MYLIP: variants seen among roughly 807,000 people sequenced by gnomAD.
MYLIP encodes the protein myosin regulatory light chain interacting protein.
Under a neutral mutation model 45.8 loss-of-function variants are expected in MYLIP, and 26 were observed. The ratio of observed to expected loss-of-function variants is 0.57; its 90% CI spans 0.42 to 0.79. The LOEUF (loss-of-function observed/expected upper bound fraction) is 0.79. Among genes scored for constraint, MYLIP ranks in the 30% least tolerant of loss-of-function variants. The pLI is 0.00. For synonymous variants in MYLIP, 213 were observed against 218.1 expected (o/e 0.98, Z 0.21); for missense variants, 494 against 555.6 (o/e 0.89, Z 1.11).
the MYLIP span, among the ~76,000 whole-genome samples, chr6:16,161,883 A>G: frequency 3.3e-5 from 5 of 152,208 alleles, no homozygotes; most frequent in Admixed American, 6.5e-5. Flanking sequence ...TTTTGTTTTT[A>G]CTAGATGGAA....
Position 16,133,171 on chromosome 6 carries a change from C to T in MYLIP, c.278+2424C>T, listed in dbSNP as rs1020980035. Among the ~76,000 whole-genome samples, 3 of 152,194 alleles carry T rather than the reference C, an allele frequency of 2.0e-5. No individual in the cohort carries two copies. In the South Asian group the frequency reaches 6.2e-4, roughly 32 times the overall value. On this transcript the variant is annotated intron_variant, in intron 2 of 6. Transcript: ENST00000356840. ...CCCTGTATTGTAGTTTCAGCTCTGC[C>T]ACCAACTACCAGCCATCCAGACTGC...
downstream of MYLIP, among the ~76,000 whole-genome samples, chr6:16,149,532 G>C (rs535456184): frequency 3.3e-5 from 5 of 152,222 alleles, no homozygotes; most frequent in African/African-American, 1.2e-4. Context: ...TGGCCCACCC[G>C]CTGCATGTCA....
chr6:16,141,875 T>G, intron 3 of MYLIP, 65 bp downstream of exon 3: 5 of 1,431,076 alleles, frequency 3.5e-6, no homozygotes, highest in Non-Finnish European at 4.7e-6. Flanking sequence ...AAACTAAGGT[T>G]GGAAGGTAAA....
At chr6:16,137,289 A>G (rs1759575405) in intron 2 of MYLIP, among the ~76,000 whole-genome samples, 1 of 152,236 alleles carries the variant, frequency 6.6e-6, no homozygotes, top group Non-Finnish European at 1.5e-5. Context: ...TTTGTTTTAA[A>G]ATAAACTGTG....
At chr6:16,158,793 C>T in the MYLIP span, among the ~76,000 whole-genome samples, 5 of 152,168 alleles carry the variant, frequency 3.3e-5, no homozygotes, top group African/African-American at 1.2e-4. Context: ...TGGCGTGAAC[C>T]CGGGAGGCGG....
chr6:16,141,156 A>T (rs1759663252), intron 2 of MYLIP, among the ~76,000 whole-genome samples: 1 of 152,118 alleles, frequency 6.6e-6, no homozygotes, highest in Non-Finnish European at 1.5e-5. Context: ...CCTATAGGAG[A>T]TTGGACATTT....
In MYLIP at chr6:16,147,664, C is replaced by A. The variant is rs1372387236; in HGVS notation, c.*913C>A. The A allele has an allele frequency of 6.6e-6, 1 of 152,384 alleles. No homozygotes were observed. Among genetic ancestry groups the A allele is most frequent in the Non-Finnish European group, 1.5e-5 (1 of 68,046 alleles). 9.4% of individuals were successfully genotyped at this position (152,384 alleles called of 1,614,324 possible). ...AAGCACTCGATCCCAGCTTCACCCACTGGTGTTGCTTTGCTTGAACTGTTC... is the reference window on the plus strand; with the variant it reads ...AAGCACTCGATCCCAGCTTCACCCAATGGTGTTGCTTTGCTTGAACTGTTC... On this transcript the variant is annotated 3_prime_UTR_variant, in exon 7 of 7. Transcript: ENST00000356840.
intron 3 of MYLIP, among the ~76,000 whole-genome samples, chr6:16,142,373 T>C (rs1759691998): frequency 6.6e-6 from 1 of 152,274 alleles, no homozygotes; most frequent in African/African-American, 2.4e-5. Context: ...ATTATGTATA[T>C]TGGTGTTTTC....
chr6:16,147,820 C>T lies in MYLIP; in HGVS notation c.*1069C>T, dbSNP rs993887530. 3 of 152,480 alleles carry T rather than the reference C, an allele frequency of 2.0e-5. No homozygotes were observed. Among genetic ancestry groups the T allele is most frequent in the East Asian group, 1.9e-4 (1 of 5,178 alleles). The allele number at this position is 152,480 out of a possible 1,614,324, so 9.4% of individuals were successfully genotyped here. Reference sequence around the variant, plus strand: ...TTTGGGTTGTCCCCTCTGTATGTTTCGAAGGGGTTTTGGTTCTTTTTGCTT... The same window carrying T: ...TTTGGGTTGTCCCCTCTGTATGTTTTGAAGGGGTTTTGGTTCTTTTTGCTT... On this transcript the variant is annotated 3_prime_UTR_variant, in exon 7 of 7. Transcript: ENST00000356840.
At chr6:16,140,600 A>G (rs898103077) in intron 2 of MYLIP, among the ~76,000 whole-genome samples, 1 of 152,202 alleles carries the variant, frequency 6.6e-6, no homozygotes, top group Non-Finnish European at 1.5e-5. Flanking sequence ...GCAAGGCGAC[A>G]GAAAGAATGG....
intron 2 of MYLIP, among the ~76,000 whole-genome samples, chr6:16,139,387 CAAAA>C (rs111591442): frequency 1.4e-5 from 1 of 72,906 alleles, no homozygotes; most frequent in Non-Finnish European, 2.9e-5. Flanking sequence ...GACTCCATCT[CAAAA>C]AAAAAAAAAA....
chr6:16,144,326 T>A (rs1383196028), intron 5 of MYLIP, among the ~76,000 whole-genome samples: 4 of 152,172 alleles, frequency 2.6e-5, no homozygotes, highest in African/African-American at 9.7e-5. Flanking sequence ...AGGAGAAGGA[T>A]AGCACAGATC....
At chr6:16,157,306 A>C in the MYLIP span, among the ~76,000 whole-genome samples, 1 of 152,210 alleles carries the variant, frequency 6.6e-6, no homozygotes, top group South Asian at 2.1e-4. Context: ...CTCCATTGTA[A>C]TACCATGGCA....
Position 16,147,003 on chromosome 6 carries a change from T to C in MYLIP, c.*252T>C, listed in dbSNP as rs1020857954. On this transcript the variant is annotated 3_prime_UTR_variant, in exon 7 of 7. Transcript: ENST00000356840. ...AGACACATTCCTTGGATGTTGATTT[T>C]TTTTATGATCTAGTAAAGGAATAGG... 1.4e-5 allele frequency: 5 copies of C among 350,810 alleles called. No homozygotes were observed. The highest frequency in any genetic ancestry group is 2.2e-5 in the Non-Finnish European group (4 of 184,932). 21.7% of individuals were successfully genotyped at this position (350,810 alleles called of 1,614,324 possible). A position where few individuals can be genotyped will look rare whatever the true frequency, so the allele number is the denominator to read the frequency against.
intron 2 of MYLIP, among the ~76,000 whole-genome samples, chr6:16,137,444 A>G (rs1759579200): frequency 6.6e-6 from 1 of 152,220 alleles, no homozygotes. Context: ...TTGGTAATTG[A>G]GAATTTGAAA....
At chr6:16,140,147 C>G (rs534407252) in intron 2 of MYLIP, among the ~76,000 whole-genome samples, 1 of 152,266 alleles carries the variant, frequency 6.6e-6, no homozygotes, top group East Asian at 1.9e-4. Context: ...GCCAAAGTTA[C>G]AATTCATTTG....
At position 16,143,146 on chromosome 6, in the gene MYLIP, G is replaced by A; in HGVS notation, c.591G>A (p.Gly197=). The A allele has an allele frequency of 6.2e-7, 1 of 1,614,190 alleles. No homozygotes were observed. The highest frequency in any genetic ancestry group is 1.6e-4 in the Middle Eastern group (1 of 6,062). Residue 197 remains glycine, a synonymous_variant, in exon 4 of 7, where the codon GGG becomes GGA. Transcript: ENST00000356840. ...GGCATTCTGTGCGGGATAGCGAAGG[G>A]CAGAAACTGCTCATTGGGGTTGGAC... The part of the protein sequence containing the change: ...IEWHSVRDSE[G]QKLLIGVGPE...
Position 16,147,559 on chromosome 6 carries a change from G to A in MYLIP, c.*808G>A, listed in dbSNP as rs1395772146. ...TGAAAACAGAGAGCACTCTCCTTGG[G>A]AAGGGAAAGCGGAGCTTGCTGAGTG... On this transcript the variant is annotated 3_prime_UTR_variant, in exon 7 of 7. Coordinates refer to ENST00000356840, the MANE Select transcript of MYLIP (RefSeq NM_013262.4). The A allele has an allele frequency of 2.0e-5, 3 of 152,238 alleles. 1 individual carries two copies. Among genetic ancestry groups the A allele is most frequent in the Admixed American group, 2.0e-4 (3 of 15,292 alleles). The allele number at this position is 152,238 out of a possible 1,614,324, so 9.4% of individuals were successfully genotyped here.
chr6:16,145,121 T>A lies in MYLIP; in HGVS notation c.1052T>A (p.Leu351Gln). The A allele has an allele frequency of 6.2e-7, 1 of 1,614,226 alleles. No individual in the cohort carries two copies. Among genetic ancestry groups the A allele is most frequent in the Non-Finnish European group, 8.5e-7 (1 of 1,180,042 alleles). ...RNNQSPSHSP[L>Q]KSSESSMNCS... ...AACCAGAGCCCTTCACACTCGCCTC[T>A]GAAGTCCTCAGAAAGCAGCATGAAC... The change falls in exon 6 of 7, where the codon CTG becomes CAG. Residue 351 changes from leucine (L) to glutamine (Q), a missense_variant. By Grantham distance (113) the Leu-to-Gln change is moderately radical. Coordinates refer to ENST00000356840, the MANE Select transcript of MYLIP (RefSeq NM_013262.4).
Sources: gnomAD v4.1 joint callset for allele counts (sites outside exome capture counted in the v4.1 genomes callset) on GRCh38, gnomAD v4.1.1 for gene constraint, MANE v1.5 for transcripts, NCBI Gene and HGNC (gene_info 2026-07-23, HGNC 2026-07-21) for gene names.